Variants in DSCAM observed in about 807,000 individuals in gnomAD.
DSCAM encodes the protein cell adhesion molecule DSCAM.
A neutral mutation model predicts 217.7 loss-of-function variants in DSCAM; 47 were observed. The observed-to-expected ratio is 0.22, with a 90% CI of 0.17 to 0.28. DSCAM has a LOEUF of 0.28. Among genes scored for constraint, DSCAM ranks in the 10% least tolerant of loss-of-function variants. The probability of loss-of-function intolerance (pLI) is 1.00; values close to 1 mark genes in which losing one functional copy is unlikely to be tolerated. For synonymous variants in DSCAM, 1,056 were observed against 1,015.3 expected (o/e 1.04, Z -0.76); for missense variants, 2,080 against 2,618.3 (o/e 0.79, Z 4.49).
chr21:40,389,732 G>A (rs528878260), intron 3 of DSCAM, among the ~76,000 whole-genome samples: 1 of 152,246 alleles, frequency 6.6e-6, no homozygotes, highest in East Asian at 1.9e-4. Flanking sequence ...AAGTACTCTC[G>A]AGAAATCTTC....
intron 5 of DSCAM, among the ~76,000 whole-genome samples, chr21:40,350,917 C>T (rs1441465878): frequency 9.7e-6 from 1 of 103,136 alleles, no homozygotes; most frequent in Non-Finnish European, 1.8e-5. Flanking sequence ...GAATTGGGGC[C>T]TTGCTCTGTC....
At chr21:40,470,786 T>A (rs1162365024) in intron 3 of DSCAM, among the ~76,000 whole-genome samples, 1 of 152,178 alleles carries the variant, frequency 6.6e-6, no homozygotes, top group Non-Finnish European at 1.5e-5. Flanking sequence ...ACTCCTGGAC[T>A]AAAGGGATCC....
chr21:40,846,615 T>G lies in DSCAM; in HGVS notation c.43+4A>C. On this transcript the variant is annotated splice_donor_region_variant and intron_variant, in intron 1 of 32. Coordinates refer to ENST00000400454, the MANE Select transcript of DSCAM (RefSeq NM_001389.5). ...CGAAATTCATCACAAACCGAAAGGCTCACCATTCGCGAAGCTCTGGAACAA... is the reference window on the plus strand; with the variant it reads ...CGAAATTCATCACAAACCGAAAGGCGCACCATTCGCGAAGCTCTGGAACAA... The G allele has an allele frequency of 7.9e-7, 1 of 1,259,168 alleles. No individual in the cohort carries two copies. Among genetic ancestry groups the G allele is most frequent in the Non-Finnish European group, 1.0e-6 (1 of 997,776 alleles). The allele number at this position is 1,259,168 out of a possible 1,614,324, so 78.0% of individuals were successfully genotyped here.
At chr21:40,390,978 AAAAG>A (rs2075128638) in intron 3 of DSCAM, among the ~76,000 whole-genome samples, 2 of 151,834 alleles carry the variant, frequency 1.3e-5, no homozygotes, top group Admixed American at 6.6e-5. Flanking sequence ...AGCTTAAAAT[AAAAG>A]AAAGAAAACT....
At chr21:40,212,651 TTGA>T (rs1250994234) in intron 11 of DSCAM, among the ~76,000 whole-genome samples, 10 of 151,260 alleles carry the variant, frequency 6.6e-5, no homozygotes, top group Admixed American at 6.6e-4. Flanking sequence ...TTTTTAGGGG[TTGA>T]TATTTTTCAG....
intron 9 of DSCAM, among the ~76,000 whole-genome samples, chr21:40,301,548 G>A (rs2074014139): frequency 8.5e-6 from 1 of 117,286 alleles, no homozygotes; most frequent in African/African-American, 5.0e-5. Flanking sequence ...TGTTTCTGAT[G>A]CTGTGGATAA....
intron 1 of DSCAM, among the ~76,000 whole-genome samples, chr21:40,789,780 C>T (rs1043439754): frequency 6.6e-6 from 1 of 152,142 alleles, no homozygotes; most frequent in Non-Finnish European, 1.5e-5. Flanking sequence ...TGGTCTCGAT[C>T]TCCTGACCTC....
At chr21:40,770,559 G>A (rs1305333647) in intron 1 of DSCAM, among the ~76,000 whole-genome samples, 1 of 152,210 alleles carries the variant, frequency 6.6e-6, no homozygotes, top group African/African-American at 2.4e-5. Context: ...CCAAGTCAGG[G>A]CTCACAGCCC....
At chr21:40,677,330 G>A (rs902468144) in intron 3 of DSCAM, among the ~76,000 whole-genome samples, 1 of 151,968 alleles carries the variant, frequency 6.6e-6, no homozygotes, top group Non-Finnish European at 1.5e-5. Flanking sequence ...AGGAAGACAC[G>A]ATCCAACATC....
At chr21:40,418,984 A>C (rs1467771562) in intron 3 of DSCAM, among the ~76,000 whole-genome samples, 1 of 152,022 alleles carries the variant, frequency 6.6e-6, no homozygotes, top group Non-Finnish European at 1.5e-5. Context: ...ATATATATCT[A>C]TTTTGAGATG....
chr21:40,492,153 A>G (rs2076081103), intron 3 of DSCAM, among the ~76,000 whole-genome samples: 1 of 152,180 alleles, frequency 6.6e-6, no homozygotes, highest in Admixed American at 6.5e-5. Flanking sequence ...AAAAAATCCT[A>G]TTCTAGTGCT....
chr21:40,621,100 G>A (rs2089509831), intron 3 of DSCAM, among the ~76,000 whole-genome samples: 2 of 152,152 alleles, frequency 1.3e-5, no homozygotes, highest in Admixed American at 1.3e-4. Context: ...GACAAAAAAG[G>A]GGCACCAGGA....
chr21:40,169,817 G>A (rs1216752444), intron 15 of DSCAM, among the ~76,000 whole-genome samples: 2 of 152,204 alleles, frequency 1.3e-5, no homozygotes, highest in East Asian at 1.9e-4. Flanking sequence ...CACACTTGCT[G>A]ATGCTGTCCC....
chr21:40,642,004 C>T (rs1008266520), intron 3 of DSCAM, among the ~76,000 whole-genome samples: 5 of 143,010 alleles, frequency 3.5e-5, no homozygotes, highest in Non-Finnish European at 6.0e-5. Flanking sequence ...GCTGAGATTG[C>T]GCCATTGCAC....
At chr21:40,052,774 C>T (rs1010241550) in intron 29 of DSCAM, among the ~76,000 whole-genome samples, 11 of 152,206 alleles carry the variant, frequency 7.2e-5, no homozygotes, top group Non-Finnish European at 1.5e-4. Context: ...TGTCAGACTT[C>T]CCAAGTCCTA....
rs145013462 is a variant in DSCAM, at chr21:40,169,683, C to T, written c.2948-2395G>A. ...AGTTTGAAAGGAAATGGGGACATTG[C>T]GGCCTCGATTTTCCAGTTAAGATGT... On this transcript the variant is annotated intron_variant, in intron 15 of 32. Transcript: ENST00000400454. 5.0e-3 allele frequency among the ~76,000 whole-genome samples: 755 copies of T among 152,178 alleles called. 4 individuals carry two copies. The highest frequency in any genetic ancestry group is 0.017 in the African/African-American group (694 of 41,522).
intron 1 of DSCAM, among the ~76,000 whole-genome samples, chr21:40,804,009 TAAAG>T (rs2123510226): frequency 6.6e-6 from 1 of 152,256 alleles, no homozygotes; most frequent in African/African-American, 2.4e-5. Context: ...TTCTGCTTAA[TAAAG>T]AAAGGGGGGA....
At chr21:40,547,274 C>T (rs191046206) in intron 3 of DSCAM, among the ~76,000 whole-genome samples, 10 of 152,286 alleles carry the variant, frequency 6.6e-5, no homozygotes, top group Admixed American at 2.6e-4. Context: ...GCTTCTTACA[C>T]GCCTGCTGTT....
intron 32 of DSCAM, among the ~76,000 whole-genome samples, chr21:40,040,426 A>T (rs904507613): frequency 1.6e-4 from 24 of 152,222 alleles, no homozygotes; most frequent in African/African-American, 5.8e-4. Flanking sequence ...CACAAATAGG[A>T]CAGTCTTTTA....
Sources: allele counts gnomAD v4.1 joint callset (sites outside exome capture counted in the v4.1 genomes callset), GRCh38; gene constraint gnomAD v4.1.1; transcripts MANE v1.5; gene names NCBI Gene and HGNC (gene_info 2026-07-23, HGNC 2026-07-21).